KLC1: variants seen among roughly 807,000 people sequenced by gnomAD.
The protein encoded by KLC1 is kinesin light chain 1.
In KLC1, 30 loss-of-function variants were observed where a neutral mutation model predicts 84.2. The ratio of observed to expected loss-of-function variants is 0.36; its 90% CI spans 0.27 to 0.48. The LOEUF is 0.48. KLC1 is among the 20% of genes least tolerant of loss of function. The probability of loss-of-function intolerance (pLI) is 0.99; values close to 1 mark genes in which losing one functional copy is unlikely to be tolerated. For synonymous variants in KLC1, 289 were observed against 293.3 expected, an observed-to-expected ratio of 0.99 and a Z score of 0.15; for missense variants, 499 against 805.4, an observed-to-expected ratio of 0.62 and a Z score of 4.60.
chr14:103,661,637 G>A (rs956313059), intron 3 of KLC1, among the ~76,000 whole-genome samples: 6 of 152,080 alleles, frequency 3.9e-5, no homozygotes, highest in African/African-American at 1.4e-4. Flanking sequence ...GGAAACATGG[G>A]TCACAGGCCT....
chr14:103,695,974 A>G, intron 15 of KLC1: 1 of 985,310 alleles, frequency 1.0e-6, no homozygotes, highest in Non-Finnish European at 1.2e-6. Flanking sequence ...TTCCCTTCAG[A>G]GGAGAGAAGT....
chr14:103,670,287 C>A lies in KLC1; in HGVS notation c.987+4C>A. ...AGCTCTGGAAATCCGAGAAAAGGTA[C>A]AAAAGAAGGGGGCAGTCGTTTTCTT... On this transcript the variant is annotated splice_donor_region_variant and intron_variant, in intron 7 of 16. Transcript: ENST00000334553. 6.3e-7 allele frequency: 1 copy of A among 1,584,672 alleles called. No individual in the cohort carries two copies. The highest frequency in any genetic ancestry group is 8.6e-7 in the Non-Finnish European group (1 of 1,158,620).
chr14:103,662,224 C>T (rs41307088), intron 4 of KLC1, 30 bp downstream of exon 4: 101 of 1,540,142 alleles, frequency 6.6e-5, no homozygotes, highest in Non-Finnish European at 8.6e-5. Flanking sequence ...GGCATGTTAC[C>T]GAGTGCAGAA....
At chr14:103,685,867 CTG>C (rs2081742985) in intron 13 of KLC1, 4 of 1,158,080 alleles carry the variant, frequency 3.5e-6, no homozygotes, top group African/African-American at 3.2e-5. Flanking sequence ...GTAATATAAA[CTG>C]TATTAATAAA....
At chr14:103,689,116 C>T (rs1476128413) in intron 14 of KLC1, among the ~76,000 whole-genome samples, 1 of 152,110 alleles carries the variant, frequency 6.6e-6, no homozygotes, top group African/African-American at 2.4e-5. Context: ...CTCTCAGATC[C>T]CCTCCAGGAA....
In KLC1 at chr14:103,679,558, C is replaced by T. The variant is rs367741189; in HGVS notation, c.1650+13C>T. The T allele has an allele frequency of 2.8e-5, 45 of 1,596,756 alleles. No homozygotes were observed. The highest frequency in any genetic ancestry group is 3.6e-5 in the Non-Finnish European group (42 of 1,165,720). Reference sequence around the variant, plus strand: ...AGAGTGGAACGGGGTAAGTACAGTACACAGCGGGCACGTGCTCCGGGAGGC... The same window carrying T: ...AGAGTGGAACGGGGTAAGTACAGTATACAGCGGGCACGTGCTCCGGGAGGC... On this transcript the variant is annotated intron_variant, in intron 13 of 16. Transcript: ENST00000334553.
intron 16 of KLC1, 50 bp downstream of exon 16, chr14:103,700,777 G>C (rs746705994): frequency 6.9e-7 from 1 of 1,447,028 alleles, no homozygotes; most frequent in Non-Finnish European, 9.4e-7. Context: ...GGGCCAGGGA[G>C]GGACTTTGCA....
At chr14:103,642,718 G>C (rs542699211) in intron 1 of KLC1, among the ~76,000 whole-genome samples, 31 of 151,950 alleles carry the variant, frequency 2.0e-4, no homozygotes, top group African/African-American at 7.0e-4. Flanking sequence ...ATTGACAAAA[G>C]CTGGAACAAC....
chr14:103,657,929 G>A (rs2078946394), intron 3 of KLC1, among the ~76,000 whole-genome samples, 153 bp downstream of exon 3: 1 of 152,210 alleles, frequency 6.6e-6, no homozygotes, highest in South Asian at 2.1e-4. Context: ...CCACAATCCA[G>A]AGAGACACCA....
intron 5 of KLC1, among the ~76,000 whole-genome samples, chr14:103,663,381 A>G (rs1035176104): frequency 2.0e-5 from 3 of 152,098 alleles, no homozygotes; most frequent in Non-Finnish European, 4.4e-5. Context: ...CGCCCGGCCT[A>G]TTTAGCAAGC....
At chr14:103,632,899 G>C (rs78668152) in intron 1 of KLC1, among the ~76,000 whole-genome samples, 3,871 of 152,132 alleles carry the variant, frequency 0.025, 86 homozygotes, top group Middle Eastern at 0.058. Context: ...TGGGATTGGG[G>C]TTCCTGCTTG....
intron 1 of KLC1, among the ~76,000 whole-genome samples, chr14:103,637,295 G>A (rs951645414): frequency 6.6e-6 from 1 of 151,878 alleles, no homozygotes; most frequent in Non-Finnish European, 1.5e-5. Flanking sequence ...ACTTTCGGAG[G>A]CCGAGGCGGG....
chr14:103,690,989 A>G (rs148864382), intron 14 of KLC1, among the ~76,000 whole-genome samples: 1 of 152,286 alleles, frequency 6.6e-6, no homozygotes, highest in Non-Finnish European at 1.5e-5. Flanking sequence ...ATATAGAAAG[A>G]TAAAAAATAT....
At chr14:103,696,315 G>A (rs961797290) in intron 15 of KLC1, 3 of 985,200 alleles carry the variant, frequency 3.0e-6, no homozygotes, top group South Asian at 4.7e-5. Context: ...TGGTGCCCGC[G>A]GGTGGCACGG....
At chr14:103,672,408 A>G (rs533524090) in intron 7 of KLC1, among the ~76,000 whole-genome samples, 4 of 152,296 alleles carry the variant, frequency 2.6e-5, no homozygotes, top group Admixed American at 6.5e-5. Flanking sequence ...AAGAGAGACA[A>G]AGAATTTATA....
intron 1 of KLC1, among the ~76,000 whole-genome samples, chr14:103,650,573 C>A (rs1350278460): frequency 6.7e-6 from 1 of 149,202 alleles, no homozygotes; most frequent in Non-Finnish European, 1.5e-5. Context: ...TTAGCGGTAG[C>A]CTGTATACTT....
chr14:103,643,984 G>T (rs1354309255), intron 1 of KLC1, among the ~76,000 whole-genome samples: 1 of 152,044 alleles, frequency 6.6e-6, no homozygotes, highest in East Asian at 1.9e-4. Flanking sequence ...GAGAGGCCGA[G>T]GCAGGCAGAT....
At position 103,701,055 on chromosome 14, in the gene KLC1, G is replaced by A. The variant is rs2083156442; in HGVS notation, c.*2-146G>A. The A allele has an allele frequency of 3.0e-6, 3 of 995,978 alleles. No homozygotes were observed. The African/African-American group carries it at 4.8e-5, about 16-fold the overall frequency. The allele number at this position is 995,978 out of a possible 1,614,324, so 61.7% of individuals were successfully genotyped here. ...CGCACCAGTCCCCCATGACCCCTCG[G>A]CCCCAGGGAGGCTCACAACCAGCAA... On this transcript the variant is annotated intron_variant, in intron 16 of 16. Transcript: ENST00000334553.
At chr14:103,664,819 C>CTTT (rs34967823) in intron 5 of KLC1, among the ~76,000 whole-genome samples, 11 of 101,994 alleles carry the variant, frequency 1.1e-4, no homozygotes, top group East Asian at 2.7e-4. Context: ...TTGGCCAAGG[C>CTTT]TTTTTTTTTT....
Sources: gnomAD v4.1 joint callset for allele counts (sites outside exome capture counted in the v4.1 genomes callset) on GRCh38, gnomAD v4.1.1 for gene constraint, MANE v1.5 for transcripts, NCBI Gene and HGNC (gene_info 2026-07-23, HGNC 2026-07-21) for gene names.